Variants in TBCEL observed in about 807,000 individuals in gnomAD.
TBCEL encodes tubulin-specific chaperone cofactor E-like protein.
Under a neutral mutation model 44.2 loss-of-function variants are expected in TBCEL, and 15 were observed. The ratio of observed to expected loss-of-function variants is 0.34; its 90% CI spans 0.23 to 0.52. The LOEUF is 0.52. Ranked by LOEUF, TBCEL falls within the 20% of genes least tolerant of loss-of-function variation. The pLI, the probability that TBCEL is intolerant of heterozygous loss-of-function variation, is 0.95. For synonymous variants in TBCEL, 171 were observed against 185.4 expected, an observed-to-expected ratio of 0.92 and a Z score of 0.63; for missense variants, 319 against 506.3, an observed-to-expected ratio of 0.63 and a Z score of 3.55.
chr11:121,063,880 A>G (rs1222263231), intron 8 of TBCEL, among the ~76,000 whole-genome samples: 1 of 152,160 alleles, frequency 6.6e-6, no homozygotes, highest in Non-Finnish European at 1.5e-5. Context: ...GTAGTCTTAG[A>G]TTAATCTACT....
intron 8 of TBCEL, among the ~76,000 whole-genome samples, chr11:121,069,727 G>C (rs1945889461): frequency 6.6e-6 from 1 of 152,130 alleles, no homozygotes; most frequent in Admixed American, 6.5e-5. Context: ...GGGAGGCAGA[G>C]GTTGTAGTGA....
chr11:121,079,411 CA>C (rs1946085412), intron 8 of TBCEL, among the ~76,000 whole-genome samples: 1 of 152,148 alleles, frequency 6.6e-6, no homozygotes, highest in African/African-American at 2.4e-5. Context: ...ATTATTGCAG[CA>C]AACCACTAAG....
chr11:121,025,244 C>T (rs762387802), intron 1 of TBCEL, among the ~76,000 whole-genome samples: 7 of 152,104 alleles, frequency 4.6e-5, no homozygotes, highest in Non-Finnish European at 1.0e-4. Flanking sequence ...TGAGCTGGGG[C>T]TTGTCCCTTG....
intron 4 of TBCEL, among the ~76,000 whole-genome samples, chr11:121,053,269 C>A (rs896992233): frequency 3.9e-5 from 6 of 151,942 alleles, no homozygotes; most frequent in African/African-American, 1.4e-4. Flanking sequence ...AGAGCAGAAT[C>A]AGAAACCTTT....
At chr11:121,078,922 G>A (rs1946077658) in intron 8 of TBCEL, among the ~76,000 whole-genome samples, 1 of 152,166 alleles carries the variant, frequency 6.6e-6, no homozygotes, top group South Asian at 2.1e-4. Flanking sequence ...GAGCAAAAGT[G>A]CATCATGTTG....
rs1302534201 is a variant in TBCEL at position 121,087,882 on chromosome 11, A to T, written c.*786A>T. ...TAACTCACTTTTAATGTCCCTGTAC[A>T]TTATGTCAGCCATTACTTTCATAAC... is the stretch of plus-strand genomic sequence containing the variant. On this transcript the variant is annotated 3_prime_UTR_variant, in exon 9 of 9. Coordinates refer to ENST00000683345, the MANE Select transcript of TBCEL (RefSeq NM_001363644.2). 6.6e-6 allele frequency: 1 copy of T among 152,200 alleles called. No homozygotes were observed. Among genetic ancestry groups the T allele is most frequent in the Non-Finnish European group, 1.5e-5 (1 of 68,038 alleles). The allele number at this position is 152,200 out of a possible 1,614,324, so 9.4% of individuals were successfully genotyped here. A position where few individuals can be genotyped will look rare whatever the true frequency, so the allele number is the denominator to read the frequency against.
chr11:121,030,747 G>GT (rs1395013920), intron 1 of TBCEL, among the ~76,000 whole-genome samples: 8 of 151,844 alleles, frequency 5.3e-5, no homozygotes, highest in African/African-American at 1.2e-4. Context: ...TGAATTTTGT[G>GT]TTTTTTTCTC....
chr11:121,058,230 T>C lies in TBCEL; in HGVS notation c.713-115T>C, dbSNP rs1945657318. 5 of 1,282,434 alleles carry C rather than the reference T, an allele frequency of 3.9e-6. No individual in the cohort carries two copies. The South Asian group carries it at 7.1e-5, about 18-fold the overall frequency. 79.4% of individuals were successfully genotyped at this position (1,282,434 alleles called of 1,614,324 possible). ...TGAAGAAAACTTTCAGACCGTTTAGTTTATGATCATTTTAACATTTCAGAA... is the reference window on the plus strand; with the variant it reads ...TGAAGAAAACTTTCAGACCGTTTAGCTTATGATCATTTTAACATTTCAGAA... On this transcript the variant is annotated intron_variant, in intron 6 of 8. Coordinates refer to ENST00000683345, the MANE Select transcript of TBCEL (RefSeq NM_001363644.2).
intron 8 of TBCEL, among the ~76,000 whole-genome samples, chr11:121,084,260 A>G (rs1946176322): frequency 6.6e-6 from 1 of 152,112 alleles, no homozygotes; most frequent in South Asian, 2.1e-4. Context: ...TGATTCATTT[A>G]TTTGGGTCTG....
At chr11:121,058,037 A>G (rs138178612) in intron 6 of TBCEL, among the ~76,000 whole-genome samples, 1 of 151,852 alleles carries the variant, frequency 6.6e-6, no homozygotes, top group Admixed American at 6.6e-5. Flanking sequence ...CATCCTGCTT[A>G]TTGATGAAAC....
At chr11:121,061,917 T>A (rs1452644764) in intron 8 of TBCEL, among the ~76,000 whole-genome samples, 1 of 152,148 alleles carries the variant, frequency 6.6e-6, no homozygotes, top group Non-Finnish European at 1.5e-5. Context: ...TAGCTTAGTT[T>A]AACTTTTTTA....
At position 121,090,141 on chromosome 11, in the gene TBCEL, C is replaced by G. The variant is rs1427256323; in HGVS notation, c.*3045C>G. The G allele has an allele frequency of 6.6e-6, 1 of 152,048 alleles. No individual in the cohort carries two copies. Among genetic ancestry groups the G allele is most frequent in the Non-Finnish European group, 1.5e-5 (1 of 68,012 alleles). 9.4% of individuals were successfully genotyped at this position (152,048 alleles called of 1,614,324 possible). A position where few individuals can be genotyped will look rare whatever the true frequency, so the allele number is the denominator to read the frequency against. ...AAGACTTCTCAGTTAATATTAAGGC[C>G]AAAATATAACTTGAGCTAGGTATAA... On this transcript the variant is annotated 3_prime_UTR_variant, in exon 9 of 9. Transcript: ENST00000683345.
chr11:121,056,892 A>G (rs1161343005), intron 6 of TBCEL, among the ~76,000 whole-genome samples: 1 of 151,660 alleles, frequency 6.6e-6, no homozygotes, highest in African/African-American at 2.4e-5. Context: ...TCTTTATGAG[A>G]TATGTCTTCT....
chr11:121,028,178 G>A (rs934748727), intron 1 of TBCEL, among the ~76,000 whole-genome samples: 1 of 151,848 alleles, frequency 6.6e-6, no homozygotes, highest in African/African-American at 2.4e-5. Flanking sequence ...ACTCCAGCCT[G>A]GGCAAGAAGA....
At chr11:121,069,849 G>T (rs1284200236) in intron 8 of TBCEL, among the ~76,000 whole-genome samples, 1 of 152,120 alleles carries the variant, frequency 6.6e-6, no homozygotes, top group African/African-American at 2.4e-5. Flanking sequence ...GGGGAGGAAG[G>T]TAGGAAACAG....
intron 4 of TBCEL, among the ~76,000 whole-genome samples, chr11:121,053,211 A>T (rs1945560516): frequency 6.6e-6 from 1 of 151,932 alleles, no homozygotes; most frequent in African/African-American, 2.4e-5. Flanking sequence ...TCTTTAAGAA[A>T]TGTCATCAAA....
intron 2 of TBCEL, among the ~76,000 whole-genome samples, chr11:121,039,123 T>C (rs1945285846): frequency 6.6e-6 from 1 of 152,228 alleles, no homozygotes. Flanking sequence ...TACTGACCGC[T>C]GTCACCTCCA....
intron 1 of TBCEL, among the ~76,000 whole-genome samples, chr11:121,026,525 T>G (rs1591373930): frequency 6.6e-6 from 1 of 152,288 alleles, no homozygotes; most frequent in South Asian, 2.1e-4. Flanking sequence ...ATTTGTAACA[T>G]AGAATTCAAA....
In TBCEL at chr11:121,045,789, T is replaced by C. The variant is rs150702205; in HGVS notation, c.99T>C (p.His33=). 5 of 1,610,898 alleles carry C rather than the reference T, an allele frequency of 3.1e-6. No homozygotes were observed. Among genetic ancestry groups the C allele is most frequent in the African/African-American group, 2.7e-5 (2 of 74,792 alleles). Residue 33 remains histidine (H), a synonymous_variant, in exon 3 of 9, where the codon CAT becomes CAC. Transcript: ENST00000683345. The part of the protein sequence containing the change: ...PYRRGPGMGV[H]VPATPQGSPM... ...GCCGTGGCCCGGGGATGGGAGTCCA[T>C]GTCCCAGCCACACCTCAGGGCTCTC...
Sources: gnomAD v4.1 joint callset for allele counts (sites outside exome capture counted in the v4.1 genomes callset) on GRCh38, gnomAD v4.1.1 for gene constraint, MANE v1.5 for transcripts, NCBI Gene and HGNC (gene_info 2026-07-23, HGNC 2026-07-21) for gene names.